The following PACRG variants were observed in gnomAD, a reference collection of about 807,000 sequenced individuals.
PACRG encodes the protein parkin coregulated, also known as parkin coregulated gene protein.
In PACRG, 29 loss-of-function variants were observed where a neutral mutation model predicts 29.7. That is an observed-to-expected ratio of 0.98 (90% CI 0.73 to 1.33). The LOEUF (loss-of-function observed/expected upper bound fraction) is 1.33, where lower values mean the gene tolerates loss of function less well. Ranked by LOEUF, PACRG falls within the 40% of genes most tolerant of loss-of-function variation. The probability of loss-of-function intolerance (pLI) is 0.00; values close to 1 mark genes in which losing one functional copy is unlikely to be tolerated. For missense variants in PACRG, 279 were observed against 316.2 expected (o/e 0.88, Z 0.89); for synonymous variants, 116 against 118.7 (o/e 0.98, Z 0.15).
rs917753176 is a variant in PACRG, at chr6:162,804,049, A to T, written c.157-10098A>T. On this transcript the variant is annotated intron_variant, in intron 1 of 4. Coordinates refer to ENST00000366888, the MANE Select transcript of PACRG (RefSeq NM_001080379.2). ...TTGATAGAAATGGCAACATCGAAAC[A>T]TATTAAACTAAGTTTAAAAGTACAC... Among the ~76,000 whole-genome samples the T allele has an allele frequency of 1.1e-4, 17 of 152,312 alleles. No homozygotes were observed. In the East Asian group the frequency reaches 2.9e-3, roughly 26 times the overall value.
intron 2 of PACRG, among the ~76,000 whole-genome samples, chr6:163,034,492 A>T (rs375423560): frequency 6.6e-6 from 1 of 151,968 alleles, no homozygotes; most frequent in South Asian, 2.1e-4. Context: ...AAGGTTGGTC[A>T]AGCATCCGTG....
At chr6:162,898,299 G>A (rs980714681) in intron 2 of PACRG, among the ~76,000 whole-genome samples, 7 of 152,156 alleles carry the variant, frequency 4.6e-5, no homozygotes, top group African/African-American at 9.7e-5. Context: ...AGTCCCAAGC[G>A]TAGGTTGAAC....
intron 2 of PACRG, among the ~76,000 whole-genome samples, chr6:162,902,218 A>G (rs1385461222): frequency 6.6e-6 from 1 of 152,252 alleles, no homozygotes; most frequent in Non-Finnish European, 1.5e-5. Context: ...TATTCTACAT[A>G]TGCATGATCA....
chr6:163,087,918 A>C (rs561393776), intron 3 of PACRG, among the ~76,000 whole-genome samples: 1 of 152,306 alleles, frequency 6.6e-6, no homozygotes, highest in East Asian at 1.9e-4. Context: ...AGGGAGACAC[A>C]AATTCAAGAG....
chr6:163,219,201 C>T (rs563146229), intron 4 of PACRG, among the ~76,000 whole-genome samples: 8 of 152,328 alleles, frequency 5.3e-5, no homozygotes, highest in African/African-American at 1.9e-4. Context: ...TCATTTTCCT[C>T]CAAAGTCCAC....
chr6:163,280,973 C>T (rs1294499422), intron 4 of PACRG, among the ~76,000 whole-genome samples: 1 of 151,976 alleles, frequency 6.6e-6, no homozygotes, highest in Non-Finnish European at 1.5e-5. Flanking sequence ...TTAAAATCAC[C>T]AAGGAGGGAA....
chr6:163,238,433 G>A (rs548111190), intron 4 of PACRG, among the ~76,000 whole-genome samples: 16 of 152,296 alleles, frequency 1.1e-4, no homozygotes, highest in Admixed American at 2.6e-4. Flanking sequence ...ACTTATAACA[G>A]TATCATACTT....
At chr6:162,914,133 T>C (rs183662004) in intron 2 of PACRG, among the ~76,000 whole-genome samples, 1 of 152,300 alleles carries the variant, frequency 6.6e-6, no homozygotes, top group Non-Finnish European at 1.5e-5. Flanking sequence ...ATCTAATAAA[T>C]GTTTGCCTCC....
rs985158371 is a variant in PACRG at position 163,064,629 on chromosome 6, C to T, written c.463+2308C>T. Among the ~76,000 whole-genome samples, 3 of 152,120 alleles carry T rather than the reference C, an allele frequency of 2.0e-5. No homozygotes were observed. In the East Asian group the frequency reaches 5.8e-4, roughly 29 times the overall value. On this transcript the variant is annotated intron_variant, in intron 3 of 4. Coordinates refer to ENST00000366888, the MANE Select transcript of PACRG (RefSeq NM_001080379.2). ...TATGTAAGGTCATGCACAGTTCCAG[C>T]ACAGTGTGAAAAATATTATGTGCAT...
intron 1 of PACRG, among the ~76,000 whole-genome samples, chr6:162,756,089 G>A (rs1393107158): frequency 6.6e-6 from 1 of 152,120 alleles, no homozygotes; most frequent in Non-Finnish European, 1.5e-5. Context: ...AAGAATGTTA[G>A]ATGATCACTT....
intron 4 of PACRG, among the ~76,000 whole-genome samples, chr6:163,116,699 G>A (rs901195904): frequency 6.6e-6 from 1 of 152,162 alleles, no homozygotes; most frequent in African/African-American, 2.4e-5. Flanking sequence ...CATTCTCAAG[G>A]GTTTGCACCA....
chr6:162,796,458 A>G lies in PACRG; in HGVS notation c.157-17689A>G, dbSNP rs548023421. ...CATGTGTATTTGAAAGAGTATGTAC[A>G]CTGTTTATTTTGTTTTTATGGTTAT... On this transcript the variant is annotated intron_variant, in intron 1 of 4. Transcript: ENST00000366888. Among the ~76,000 whole-genome samples, 14 of 152,098 alleles carry G rather than the reference A, an allele frequency of 9.2e-5. 1 individual carries two copies. The highest frequency in any genetic ancestry group is 3.1e-4 in the African/African-American group (13 of 41,528).
chr6:163,126,171 T>G (rs2874514), intron 4 of PACRG, among the ~76,000 whole-genome samples: 40,405 of 152,160 alleles, frequency 0.27, 6,885 homozygotes, highest in Non-Finnish European at 0.38. Flanking sequence ...GCTGGGATGA[T>G]AAATTTTTAT....
chr6:163,023,312 G>C (rs1373476156), intron 2 of PACRG, among the ~76,000 whole-genome samples: 1 of 152,126 alleles, frequency 6.6e-6, no homozygotes, highest in Admixed American at 6.5e-5. Context: ...ACTTATCAGT[G>C]AGAACATGCA....
At chr6:163,125,660 A>G (rs1203419653) in intron 4 of PACRG, among the ~76,000 whole-genome samples, 2 of 152,258 alleles carry the variant, frequency 1.3e-5, no homozygotes, top group African/African-American at 4.8e-5. Context: ...CCGCTATGAA[A>G]TATAACCTCC....
chr6:163,205,009 A>G (rs1392086318), intron 4 of PACRG, among the ~76,000 whole-genome samples: 1 of 152,218 alleles, frequency 6.6e-6, no homozygotes, highest in Non-Finnish European at 1.5e-5. Context: ...ATAGCTAACC[A>G]TGGAGGTGAA....
intron 2 of PACRG, among the ~76,000 whole-genome samples, chr6:162,879,454 A>G (rs1163584370): frequency 1.3e-5 from 2 of 152,224 alleles, no homozygotes; most frequent in Non-Finnish European, 2.9e-5. Flanking sequence ...CTAGACACCC[A>G]GACTCTTATG....
intron 4 of PACRG, among the ~76,000 whole-genome samples, chr6:163,124,355 GT>G (rs139854089): frequency 6.6e-6 from 1 of 151,674 alleles, no homozygotes; most frequent in Middle Eastern, 3.4e-3. Context: ...GACTTGCTAA[GT>G]TTTTTTTTAA....
chr6:162,963,770 G>A lies in PACRG; in HGVS notation c.292-98380G>A, dbSNP rs112895157. On this transcript the variant is annotated intron_variant, in intron 2 of 4. Transcript: ENST00000366888. ...CTGACCTCCCAATTCACCAGTATCAGGAGGTTGTTCAGTATCAACAGAACT... is the reference window on the plus strand; with the variant it reads ...CTGACCTCCCAATTCACCAGTATCAAGAGGTTGTTCAGTATCAACAGAACT... Among the ~76,000 whole-genome samples the A allele has an allele frequency of 3.8e-3, 576 of 151,788 alleles. 3 individuals carry two copies. The highest frequency in any genetic ancestry group is 0.013 in the African/African-American group (526 of 41,396).
Sources: allele counts gnomAD v4.1 joint callset (sites outside exome capture counted in the v4.1 genomes callset), GRCh38; gene constraint gnomAD v4.1.1; transcripts MANE v1.5; gene names NCBI Gene and HGNC (gene_info 2026-07-23, HGNC 2026-07-21).